Variants in ADGRL3 observed in about 807,000 individuals in gnomAD.
The protein encoded by ADGRL3 is adhesion G protein-coupled receptor L3.
A neutral mutation model predicts 153.5 loss-of-function variants in ADGRL3; 62 were observed. That is an observed-to-expected ratio of 0.40 (90% CI 0.33 to 0.50). ADGRL3 has a LOEUF of 0.50. Among genes scored for constraint, ADGRL3 ranks in the 20% least tolerant of loss-of-function variants. The pLI is 0.47. For missense variants in ADGRL3, 1,641 were observed against 1,859.4 expected, an observed-to-expected ratio of 0.88 and a Z score of 2.16; for synonymous variants, 710 against 672.5, an observed-to-expected ratio of 1.06 and a Z score of -0.86.
intron 1 of ADGRL3, among the ~76,000 whole-genome samples, chr4:61,216,038 G>A (rs566658145): frequency 6.6e-6 from 1 of 151,970 alleles, no homozygotes; most frequent in Admixed American, 6.6e-5. Context: ...AAATGGTAAG[G>A]CTTATTAGAA....
At chr4:61,460,056 G>T (rs955273081) in intron 2 of ADGRL3, among the ~76,000 whole-genome samples, 3 of 151,958 alleles carry the variant, frequency 2.0e-5, no homozygotes, top group African/African-American at 7.3e-5. Flanking sequence ...TGCTTCCTTT[G>T]CTGTACAGAA....
intron 1 of ADGRL3, among the ~76,000 whole-genome samples, chr4:61,331,695 G>A (rs1435962237): frequency 6.6e-6 from 1 of 151,744 alleles, no homozygotes; most frequent in Non-Finnish European, 1.5e-5. Flanking sequence ...ATAGAATTTT[G>A]GATTTAAAGA....
At chr4:61,540,311 G>GTA in intron 4 of ADGRL3, among the ~76,000 whole-genome samples, 1 of 152,156 alleles carries the variant, frequency 6.6e-6, no homozygotes, top group African/African-American at 2.4e-5. Flanking sequence ...CACTTTGGGA[G>GTA]GCCAAGGCAG....
At chr4:61,246,266 C>T (rs1757037448) in intron 1 of ADGRL3, among the ~76,000 whole-genome samples, 1 of 151,982 alleles carries the variant, frequency 6.6e-6, no homozygotes, top group Non-Finnish European at 1.5e-5. Flanking sequence ...TCCCTTATTA[C>T]ATAAAATAGC....
chr4:61,696,670 C>CTTTTTTTTTTTTTTTT (rs34306284), intron 6 of ADGRL3, among the ~76,000 whole-genome samples: 9 of 102,016 alleles, frequency 8.8e-5, no homozygotes, highest in East Asian at 3.4e-4. Context: ...TTTTTTTAAC[C>CTTTTTTTTTTTTTTTT]TTTTTTTTTT....
At chr4:61,821,423 C>A (rs1387057999) in intron 9 of ADGRL3, among the ~76,000 whole-genome samples, 1 of 151,718 alleles carries the variant, frequency 6.6e-6, no homozygotes, top group Non-Finnish European at 1.5e-5. Context: ...AGTGCAATGG[C>A]TTGATCTCGT....
At chr4:61,764,606 C>T (rs996482350) in intron 8 of ADGRL3, among the ~76,000 whole-genome samples, 33 of 152,088 alleles carry the variant, frequency 2.2e-4, no homozygotes, top group Admixed American at 3.3e-4. Context: ...ATATTCACTT[C>T]TTTTGTGATT....
intron 1 of ADGRL3, among the ~76,000 whole-genome samples, chr4:61,341,709 A>T (rs1683866322): frequency 6.6e-6 from 1 of 152,058 alleles, no homozygotes; most frequent in African/African-American, 2.4e-5. Context: ...TCAGTCCCAT[A>T]GTAGTTTCTA....
intron 6 of ADGRL3, among the ~76,000 whole-genome samples, chr4:61,698,946 C>T (rs902308467): frequency 2.0e-5 from 3 of 152,216 alleles, no homozygotes; most frequent in Non-Finnish European, 2.9e-5. Context: ...TAGCATCTCA[C>T]TTAAACCATT....
intron 8 of ADGRL3, among the ~76,000 whole-genome samples, chr4:61,776,232 C>T (rs566087500): frequency 7.2e-5 from 11 of 152,238 alleles, no homozygotes; most frequent in East Asian, 3.9e-4. Flanking sequence ...CCCAAGCCTC[C>T]GCCTCTGCAC....
chr4:61,332,810 T>A (rs533434367), intron 1 of ADGRL3, among the ~76,000 whole-genome samples: 1 of 152,154 alleles, frequency 6.6e-6, no homozygotes, highest in South Asian at 2.1e-4. Flanking sequence ...GCTTGCATAT[T>A]CTGTCTTGAA....
At chr4:61,930,569 C>T (rs1353691068) in intron 13 of ADGRL3, among the ~76,000 whole-genome samples, 1 of 151,994 alleles carries the variant, frequency 6.6e-6, no homozygotes, top group Non-Finnish European at 1.5e-5. Context: ...AACATCTTAA[C>T]GAACATATCA....
intron 2 of ADGRL3, among the ~76,000 whole-genome samples, chr4:61,421,914 C>T (rs770061082): frequency 1.2e-4 from 19 of 152,098 alleles, no homozygotes; most frequent in African/African-American, 2.9e-4. Context: ...ATTCCTGCAC[C>T]GCTTTTTGGT....
At chr4:62,067,490 A>G (rs1406709739) in intron 25 of ADGRL3, among the ~76,000 whole-genome samples, 1 of 152,096 alleles carries the variant, frequency 6.6e-6, no homozygotes, top group Non-Finnish European at 1.5e-5. Flanking sequence ...TGTATTCAGA[A>G]TAATAAATAA....
At chr4:61,219,248 C>T (rs925055017) in intron 1 of ADGRL3, among the ~76,000 whole-genome samples, 2 of 152,148 alleles carry the variant, frequency 1.3e-5, no homozygotes, top group South Asian at 4.1e-4. Flanking sequence ...CTCATCTAAA[C>T]TTTGTTACTG....
intron 4 of ADGRL3, among the ~76,000 whole-genome samples, chr4:61,549,484 G>T (rs537841030): frequency 1.3e-5 from 2 of 152,020 alleles, no homozygotes; most frequent in African/African-American, 4.8e-5. Flanking sequence ...TTTTGCCTGA[G>T]AACTTCCTCT....
chr4:61,317,425 A>G (rs1275303351), intron 1 of ADGRL3, among the ~76,000 whole-genome samples: 1 of 152,182 alleles, frequency 6.6e-6, no homozygotes, highest in Non-Finnish European at 1.5e-5. Context: ...CACTTTTCAC[A>G]TGTATTTCAA....
intron 13 of ADGRL3, among the ~76,000 whole-genome samples, chr4:61,930,955 C>A (rs1159297627): frequency 6.6e-6 from 1 of 151,976 alleles, no homozygotes; most frequent in South Asian, 2.1e-4. Flanking sequence ...ATAAAATATA[C>A]AATACATAAA....
chr4:62,045,288 G>T (rs1053937681), intron 25 of ADGRL3, among the ~76,000 whole-genome samples: 1 of 151,504 alleles, frequency 6.6e-6, no homozygotes, highest in Admixed American at 6.6e-5. Context: ...GATATGATTA[G>T]AATTCATTTT....
Sources: gnomAD v4.1 joint callset for allele counts (sites outside exome capture counted in the v4.1 genomes callset) on GRCh38, gnomAD v4.1.1 for gene constraint, MANE v1.5 for transcripts, NCBI Gene and HGNC (gene_info 2026-07-23, HGNC 2026-07-21) for gene names.